The following NPAS3 variants were observed in gnomAD, a reference collection of about 807,000 sequenced individuals.
NPAS3 encodes neuronal PAS domain-containing protein 3.
A neutral mutation model predicts 73.1 loss-of-function variants in NPAS3; 14 were observed. The observed-to-expected ratio is 0.19, with a 90% confidence interval of 0.13 to 0.30. The LOEUF is 0.30. Ranked by LOEUF, NPAS3 falls within the 10% of genes least tolerant of loss-of-function variation. NPAS3 has a pLI of 1.00. For missense variants in NPAS3, 1,096 were observed against 1,250.0 expected, an observed-to-expected ratio of 0.88 and a Z score of 1.86; for synonymous variants, 620 against 541.5, an observed-to-expected ratio of 1.14 and a Z score of -2.01.
Position 33,629,573 on chromosome 14 carries a change from TG to T in NPAS3, c.559-46637del, listed in dbSNP as rs1191855493. ...CCTCAATGGTTTTTTTTGTTGTTTT[TG>T]TTTTTTTTTTTAACACATTCCCTCT... On this transcript the variant is annotated intron_variant, in intron 5 of 11. Transcript: ENST00000356141. Among the ~76,000 whole-genome samples the T allele has an allele frequency of 2.7e-5, 4 of 149,902 alleles. No homozygotes were observed. The East Asian group carries it at 7.9e-4, about 30-fold the overall frequency.
At position 33,560,432 on chromosome 14, in the gene NPAS3, C is replaced by G. The variant is rs182799498; in HGVS notation, c.558+222C>G. 6.7e-4 allele frequency: 275 copies of G among 410,316 alleles called. 1 individual carries two copies. Among genetic ancestry groups the G allele is most frequent in the African/African-American group, 4.3e-3 (210 of 49,408 alleles). The allele number at this position is 410,316 out of a possible 1,614,324, so 25.4% of individuals were successfully genotyped here. ...AAACTTTAGTTCCGCTCCCCACCCC[C>G]CAAGGATCATTATTAATTTATCGAG... is the stretch of plus-strand genomic sequence containing the variant. On this transcript the variant is annotated intron_variant, in intron 5 of 11. Transcript: ENST00000356141.
At chr14:33,698,373 G>A (rs1298994281) in intron 6 of NPAS3, among the ~76,000 whole-genome samples, 1 of 152,188 alleles carries the variant, frequency 6.6e-6, no homozygotes, top group East Asian at 1.9e-4. Flanking sequence ...AAACTGGGTG[G>A]TTTCCATGTT....
intron 6 of NPAS3, among the ~76,000 whole-genome samples, chr14:33,722,930 A>T (rs1393654859): frequency 1.3e-5 from 2 of 152,160 alleles, no homozygotes; most frequent in Non-Finnish European, 2.9e-5. Context: ...CTAGCTGCCC[A>T]GTCAAATTTC....
chr14:33,181,996 A>G (rs565274733), intron 2 of NPAS3, among the ~76,000 whole-genome samples: 22 of 151,760 alleles, frequency 1.4e-4, no homozygotes, highest in African/African-American at 5.3e-4. Context: ...CCCCACATAT[A>G]TATGATTTTT....
intron 2 of NPAS3, among the ~76,000 whole-genome samples, chr14:33,096,119 C>T (rs1018674620): frequency 6.6e-6 from 1 of 151,428 alleles, no homozygotes; most frequent in African/African-American, 2.4e-5. Flanking sequence ...AATCTAATAT[C>T]GTTAGGTTTA....
rs554539354 is a variant in NPAS3 at position 33,578,384 on chromosome 14, G to A, written c.558+18174G>A. ...AATTTTTTGTATTTTTAGTAGAGACGGGTTTCTCCATTTTGGTCAGGGTGG... is the reference window on the plus strand; with the variant it reads ...AATTTTTTGTATTTTTAGTAGAGACAGGTTTCTCCATTTTGGTCAGGGTGG... On this transcript the variant is annotated intron_variant, in intron 5 of 11. Transcript: ENST00000356141. 26 of 360,180 alleles carry A rather than the reference G, an allele frequency of 7.2e-5. 1 individual carries two copies. The highest frequency in any genetic ancestry group is 3.2e-4 in the South Asian group (15 of 47,458). 22.3% of individuals were successfully genotyped at this position (360,180 alleles called of 1,614,324 possible). A position where few individuals can be genotyped will look rare whatever the true frequency, so the allele number is the denominator to read the frequency against.
At chr14:33,329,521 A>G (rs879200410) in intron 3 of NPAS3, among the ~76,000 whole-genome samples, 1 of 152,216 alleles carries the variant, frequency 6.6e-6, no homozygotes, top group Admixed American at 6.5e-5. Context: ...CAGCAAACAC[A>G]GAAATTCTCA....
chr14:33,627,909 T>C (rs2058266630), intron 5 of NPAS3, among the ~76,000 whole-genome samples: 1 of 152,134 alleles, frequency 6.6e-6, no homozygotes, highest in Non-Finnish European at 1.5e-5. Flanking sequence ...AAATAAACCC[T>C]CAAGAAAATC....
chr14:33,639,780 A>G (rs571397436), intron 5 of NPAS3, among the ~76,000 whole-genome samples: 1 of 152,336 alleles, frequency 6.6e-6, no homozygotes, highest in African/African-American at 2.4e-5. Context: ...GTAGGCATTT[A>G]AAAGAGAAAA....
rs1398221005 is a variant in NPAS3, at chr14:33,620,315, GT to G, written c.559-55894del. On this transcript the variant is annotated intron_variant, in intron 5 of 11. Coordinates refer to ENST00000356141, the Ensembl canonical transcript of NPAS3. ...GAAGGTACTTCTGTCTCTGTTCCAAGTTCCTTACATTTTTCCTTATTCAAAA... is the reference window on the plus strand; with the variant it reads ...GAAGGTACTTCTGTCTCTGTTCCAAGTCCTTACATTTTTCCTTATTCAAAA... Among the ~76,000 whole-genome samples the G allele has an allele frequency of 2.0e-5, 3 of 152,206 alleles. No individual in the cohort carries two copies. The East Asian group carries it at 5.8e-4, about 29-fold the overall frequency.
intron 7 of NPAS3, among the ~76,000 whole-genome samples, chr14:33,762,184 A>G (rs2062314941): frequency 2.0e-5 from 3 of 152,188 alleles, no homozygotes; most frequent in Admixed American, 6.5e-5. Flanking sequence ...GGACAACTGT[A>G]TTGTATGCTA....
chr14:33,783,753 G>A (rs1322458252), intron 9 of NPAS3, among the ~76,000 whole-genome samples: 1 of 152,118 alleles, frequency 6.6e-6, no homozygotes, highest in African/African-American at 2.4e-5. Context: ...GGGCAGTGGT[G>A]TCAGCACCCC....
chr14:33,347,672 G>C (rs535724001), intron 3 of NPAS3, among the ~76,000 whole-genome samples: 1 of 152,160 alleles, frequency 6.6e-6, no homozygotes, highest in African/African-American at 2.4e-5. Flanking sequence ...CAAAATCCTT[G>C]GATGCTCCAG....
intron 3 of NPAS3, among the ~76,000 whole-genome samples, chr14:33,335,039 T>TAC (rs1555375979): frequency 1.4e-5 from 2 of 143,586 alleles, no homozygotes; most frequent in Non-Finnish European, 3.0e-5. Flanking sequence ...ATTGTGTGTG[T>TAC]GTGCGTGTGT....
chr14:33,746,171 T>TTTTACTTA (rs1555326908), intron 7 of NPAS3, among the ~76,000 whole-genome samples: 5 of 144,360 alleles, frequency 3.5e-5, no homozygotes, highest in African/African-American at 1.3e-4. Flanking sequence ...TTTTATTTTA[T>TTTTACTTA]TTTATTTATT....
chr14:33,409,823 A>G (rs573682837), intron 4 of NPAS3, among the ~76,000 whole-genome samples: 31 of 152,300 alleles, frequency 2.0e-4, no homozygotes, highest in African/African-American at 7.5e-4. Flanking sequence ...ATTGTTTCCT[A>G]CCATAATTGA....
chr14:33,670,095 G>A (rs79653790), intron 5 of NPAS3, among the ~76,000 whole-genome samples: 2,808 of 152,148 alleles, frequency 0.018, 119 homozygotes, highest in East Asian at 0.16. Context: ...AGGCACTCCC[G>A]GAGTGATAGA....
chr14:33,092,948 C>A (rs1307542149), intron 2 of NPAS3, among the ~76,000 whole-genome samples: 2 of 152,190 alleles, frequency 1.3e-5, no homozygotes, highest in Non-Finnish European at 2.9e-5. Flanking sequence ...CCCTTCCTTA[C>A]ACCTTATACA....
intron 9 of NPAS3, 22 bp downstream of exon 9, chr14:33,778,594 G>C (rs753109616): frequency 1.3e-6 from 2 of 1,504,712 alleles, no homozygotes; most frequent in Non-Finnish European, 1.9e-6. Context: ...CTGTGTGGGG[G>C]AATAACCCCG....
Sources: gnomAD v4.1 joint callset for allele counts (sites outside exome capture counted in the v4.1 genomes callset) on GRCh38, gnomAD v4.1.1 for gene constraint, MANE v1.5 for transcripts, NCBI Gene and HGNC (gene_info 2026-07-23, HGNC 2026-07-21) for gene names.